GALNS: variants seen among roughly 807,000 people sequenced by gnomAD.
GALNS encodes galactosamine (N-acetyl)-6-sulfatase, also known as N-acetylgalactosamine-6-sulfatase.
Under a neutral mutation model 65.9 loss-of-function variants are expected in GALNS, and 65 were observed. The observed-to-expected ratio is 0.99, with a 90% CI of 0.81 to 1.21. The LOEUF (loss-of-function observed/expected upper bound fraction) is 1.21, where lower values mean the gene tolerates loss of function less well. Among genes scored for constraint, GALNS ranks in the 50% most tolerant of loss-of-function variants. The probability of loss-of-function intolerance (pLI) is 0.00; values close to 1 mark genes in which losing one functional copy is unlikely to be tolerated. For synonymous variants in GALNS, 346 were observed against 288.9 expected (o/e 1.20, Z -2.00); for missense variants, 776 against 700.7 (o/e 1.11, Z -1.21).
At chr16:88,850,985 G>A (rs1967482359) in intron 1 of GALNS, among the ~76,000 whole-genome samples, 1 of 152,192 alleles carries the variant, frequency 6.6e-6, no homozygotes, top group African/African-American at 2.4e-5. Context: ...CCACACATGT[G>A]CCTTCTGACC....
intron 1 of GALNS, among the ~76,000 whole-genome samples, chr16:88,846,894 CTGGGA>C (rs1251448018): frequency 6.6e-6 from 1 of 152,056 alleles, no homozygotes; most frequent in East Asian, 1.9e-4. Flanking sequence ...CAGGAGGCTC[CTGGGA>C]TGGGTGAGAT....
chr16:88,839,850 C>A (rs1044834874), intron 4 of GALNS, among the ~76,000 whole-genome samples: 38 of 152,254 alleles, frequency 2.5e-4, no homozygotes, highest in African/African-American at 8.4e-4. Context: ...CACCAATGAC[C>A]ATGCATAGGA....
Position 88,847,438 on chromosome 16 carries a change from C to T in GALNS, c.121-4609G>A, listed in dbSNP as rs544739598. Among the ~76,000 whole-genome samples, 4 of 152,354 alleles carry T rather than the reference C, an allele frequency of 2.6e-5. No individual in the cohort carries two copies. The South Asian group carries it at 8.3e-4, about 32-fold the overall frequency. On this transcript the variant is annotated intron_variant, in intron 1 of 13. Transcript: ENST00000268695. ...CACCCCATCCAGCCTCCTCCTGTCA[C>T]AAGTGGCTCCAGGACTCACCCACAG...
chr16:88,853,450 C>G (rs1967602582), intron 1 of GALNS, among the ~76,000 whole-genome samples: 2 of 152,146 alleles, frequency 1.3e-5, no homozygotes, highest in African/African-American at 2.4e-5. Flanking sequence ...ACGAGGGGCA[C>G]TGAGCAACCC....
intron 1 of GALNS, chr16:88,856,101 G>C (rs1356727990): frequency 7.2e-6 from 5 of 693,232 alleles, no homozygotes; most frequent in Non-Finnish European, 1.3e-5. Flanking sequence ...CTCCCACAAG[G>C]AGTTAGGGAA....
At position 88,836,264 on chromosome 16, in the gene GALNS, A is replaced by T; in HGVS notation, c.570T>A (p.Tyr190Ter). 6.2e-7 allele frequency: 1 copy of T among 1,611,686 alleles called. No individual in the cohort carries two copies. The highest frequency in any genetic ancestry group is 1.1e-5 in the South Asian group (1 of 90,952). The change falls in exon 6 of 14, where the codon TAT (tyrosine) becomes TAA (stop). Residue 190 changes from tyrosine (Y) to a stop codon, truncating the protein, a stop_gained. Coordinates refer to ENST00000268695, the MANE Select transcript of GALNS (RefSeq NM_000512.5). LOFTEE classifies it high-confidence loss of function. ...TCAGATTAATAGGAAATTCTTCATAATATCTGAAAAGAACACAGATCCAGA... is the reference window on the plus strand; with the variant it reads ...TCAGATTAATAGGAAATTCTTCATATTATCTGAAAAGAACACAGATCCAGA... ...VYRDWEMVGR[Y>*]YEEFPINLKT...
Position 88,824,863 on chromosome 16 carries a change from G to A in GALNS, c.1146C>T (p.Ile382=). ...TCAGCGTGTCGCCACGGTAATAGAAGATAGGCCTGTGGGATGGGAGGGGAG... is the reference window on the plus strand; with the variant it reads ...TCAGCGTGTCGCCACGGTAATAGAAAATAGGCCTGTGGGATGGGAGGGGAG... ...LLQGRLMDRP[I]FYYRGDTLMA... is the part of the protein sequence containing the mutation. Residue 382 remains isoleucine, a synonymous_variant, in exon 11 of 14, where the codon ATC becomes ATT. Coordinates refer to ENST00000268695, the MANE Select transcript of GALNS (RefSeq NM_000512.5). 1.9e-6 allele frequency: 3 copies of A among 1,613,100 alleles called. No individual in the cohort carries two copies. The highest frequency in any genetic ancestry group is 2.5e-6 in the Non-Finnish European group (3 of 1,179,920).
chr16:88,832,508 C>G (rs1230864530), intron 8 of GALNS, among the ~76,000 whole-genome samples: 5 of 152,332 alleles, frequency 3.3e-5, no homozygotes, highest in African/African-American at 1.2e-4. Flanking sequence ...ATGGTTCTGA[C>G]TCAGTCAGTC....
At chr16:88,833,454 C>CCTTTTTT (rs1555521205) in intron 8 of GALNS, among the ~76,000 whole-genome samples, 2 of 141,170 alleles carry the variant, frequency 1.4e-5, no homozygotes, top group Non-Finnish European at 3.1e-5. Flanking sequence ...CTCCCATCCC[C>CCTTTTTT]TTTTTTTTTT....
chr16:88,826,852 C>A lies in GALNS; in HGVS notation c.1003-14G>T. The A allele has an allele frequency of 6.4e-7, 1 of 1,566,162 alleles. No individual in the cohort carries two copies. Among genetic ancestry groups the A allele is most frequent in the Non-Finnish European group, 8.6e-7 (1 of 1,156,222 alleles). On this transcript the variant is annotated splice_polypyrimidine_tract_variant and intron_variant, in intron 9 of 13. Coordinates refer to ENST00000268695, the MANE Select transcript of GALNS (RefSeq NM_000512.5). ...CTGGTGGCTCACCTGAAACACATGGCAGCAACACGGTCAGGGCACTCTGCA... is the reference window on the plus strand; with the variant it reads ...CTGGTGGCTCACCTGAAACACATGGAAGCAACACGGTCAGGGCACTCTGCA...
intron 8 of GALNS, among the ~76,000 whole-genome samples, chr16:88,833,074 T>C (rs1207781698): frequency 4.0e-5 from 4 of 99,472 alleles, no homozygotes; most frequent in African/African-American, 1.2e-4. Context: ...CGAGACTCCT[T>C]CTCAAAAAAA....
chr16:88,815,771 C>CCA (rs1909557187), intron 13 of GALNS: 3 of 985,318 alleles, frequency 3.0e-6, no homozygotes, highest in South Asian at 9.4e-5. Context: ...GCCCCCTTGG[C>CCA]CACCAGAGCA....
intron 1 of GALNS, among the ~76,000 whole-genome samples, chr16:88,851,613 A>G (rs919814818): frequency 6.6e-6 from 1 of 152,200 alleles, no homozygotes. Context: ...AGCCAAGGGA[A>G]GCCGTGACAG....
At chr16:88,818,633 C>T (rs78658793) in intron 12 of GALNS, among the ~76,000 whole-genome samples, 4,949 of 152,268 alleles carry the variant, frequency 0.033, 261 homozygotes, top group African/African-American at 0.11. Flanking sequence ...CACGAAGATA[C>T]GATTACACGG....
chr16:88,836,522 C>T (rs889512889), intron 5 of GALNS, among the ~76,000 whole-genome samples: 10 of 152,124 alleles, frequency 6.6e-5, no homozygotes, highest in Admixed American at 4.6e-4. Context: ...GGCGTGGTGG[C>T]GCACGCCTGT....
intron 13 of GALNS, chr16:88,814,993 A>G (rs150116309): frequency 2.0e-6 from 2 of 979,872 alleles, no homozygotes; most frequent in African/African-American, 3.5e-5. Flanking sequence ...TTGGCCTCCC[A>G]AAGTGCTGGG....
intron 4 of GALNS, 138 bp downstream of exon 4, chr16:88,840,854 T>C: frequency 1.3e-6 from 1 of 743,242 alleles, no homozygotes; most frequent in East Asian, 2.7e-5. Flanking sequence ...TGGAGACACC[T>C]GAACACACCC....
intron 1 of GALNS, 137 bp downstream of exon 1, chr16:88,856,621 T>TC: frequency 6.2e-6 from 2 of 320,428 alleles, no homozygotes; most frequent in Non-Finnish European, 1.2e-5. Context: ...GCGCGGGGCC[T>TC]CCCCCCTTCC....
intron 1 of GALNS, chr16:88,855,997 A>C (rs979124523): frequency 8.4e-6 from 5 of 596,342 alleles, no homozygotes; most frequent in Non-Finnish European, 1.5e-5. Flanking sequence ...GTGACCCCCA[A>C]GCTTGGAGAC....
Sources: gnomAD v4.1 joint callset for allele counts (sites outside exome capture counted in the v4.1 genomes callset) on GRCh38, gnomAD v4.1.1 for gene constraint, MANE v1.5 for transcripts, NCBI Gene and HGNC (gene_info 2026-07-23, HGNC 2026-07-21) for gene names.